ADGRG7: variants seen among roughly 807,000 people sequenced by gnomAD.
The protein encoded by ADGRG7 is adhesion G protein-coupled receptor G7.
A neutral mutation model predicts 88.6 loss-of-function variants in ADGRG7; 82 were observed. The observed-to-expected ratio is 0.93, with a 90% CI of 0.77 to 1.11. The LOEUF is 1.11. Ranked by LOEUF, ADGRG7 falls within the 50% of genes most tolerant of loss-of-function variation. The probability of loss-of-function intolerance (pLI) is 0.00; values close to 1 mark genes in which losing one functional copy is unlikely to be tolerated. For synonymous variants in ADGRG7, 381 were observed against 345.2 expected (o/e 1.10, Z -1.15); for missense variants, 945 against 953.4 (o/e 0.99, Z 0.12).
intron 3 of ADGRG7, among the ~76,000 whole-genome samples, chr3:100,631,973 C>T (rs1390512151): frequency 6.6e-6 from 1 of 152,114 alleles, no homozygotes; most frequent in African/African-American, 2.4e-5. Flanking sequence ...TTTTTACTCA[C>T]AGCGTAAAAG....
rs1471358711 is a variant in ADGRG7, at chr3:100,609,939, G to A, written c.83G>A (p.Gly28Asp). Reference sequence around the variant, plus strand: ...CTGACTGGCATCATTTTGGGACTGGGCATCTGGAGGATTGTGATCAGGATC... The same window carrying A: ...CTGACTGGCATCATTTTGGGACTGGACATCTGGAGGATTGTGATCAGGATC... The part of the protein sequence containing the change: ...GLLTGIILGL[G>D]IWRIVIRIQR... Residue 28 changes from glycine (G) to aspartate (D), a missense_variant, in exon 1 of 16, where the codon GGC becomes GAC. Physicochemically the swap from Gly to Asp is moderately conservative, Grantham distance 94. Coordinates refer to ENST00000273352, the MANE Select transcript of ADGRG7 (RefSeq NM_032787.3). 1.2e-6 allele frequency: 2 copies of A among 1,613,570 alleles called. No individual in the cohort carries two copies. Among genetic ancestry groups the A allele is most frequent in the African/African-American group, 2.7e-5 (2 of 74,890 alleles).
chr3:100,644,187 T>TA (rs11388624), intron 8 of ADGRG7, among the ~76,000 whole-genome samples: 91,872 of 149,948 alleles, frequency 0.61, 29,475 homozygotes, highest in East Asian at 0.98. Flanking sequence ...TTTCAAAATC[T>TA]AAAAAAAAAA....
At position 100,688,234 on chromosome 3, in the gene ADGRG7, A is replaced by G. The variant is rs191864933; in HGVS notation, c.2137-6510A>G. 5.5e-3 allele frequency among the ~76,000 whole-genome samples: 831 copies of G among 152,060 alleles called. 7 individuals are homozygous for G. The highest frequency in any genetic ancestry group is 0.019 in the African/African-American group (798 of 41,466). ...GGATCAGTGGTGATGTCCCCTTTTC[A>G]TTTTTTATTGTGTCTATTTGATTCT... On this transcript the variant is annotated intron_variant, in intron 15 of 15. Transcript: ENST00000273352.
At chr3:100,629,501 G>A (rs1707427426) in intron 1 of ADGRG7, 97 bp from the exon 2 acceptor site, 8 of 718,742 alleles carry the variant, frequency 1.1e-5, no homozygotes, top group Non-Finnish European at 2.0e-5. Context: ...GATACTCAAA[G>A]CAGTGGTTTT....
chr3:100,625,910 G>A (rs1012034311), intron 1 of ADGRG7, among the ~76,000 whole-genome samples: 1 of 152,074 alleles, frequency 6.6e-6, no homozygotes, highest in Non-Finnish European at 1.5e-5. Context: ...GCTTTTTGAT[G>A]TGCTGCTGGA....
chr3:100,663,587 CAGA>C (rs1454782681), intron 14 of ADGRG7, among the ~76,000 whole-genome samples: 1 of 151,988 alleles, frequency 6.6e-6, no homozygotes, highest in Non-Finnish European at 1.5e-5. Context: ...AGGTTGAGAA[CAGA>C]AGATGTTCTA....
chr3:100,628,137 G>A (rs1707406685), intron 1 of ADGRG7, among the ~76,000 whole-genome samples: 1 of 152,026 alleles, frequency 6.6e-6, no homozygotes. Context: ...CTGGCTTTCT[G>A]ATCAAGTTTC....
At chr3:100,668,667 T>C (rs781594567) in intron 14 of ADGRG7, among the ~76,000 whole-genome samples, 4 of 152,228 alleles carry the variant, frequency 2.6e-5, no homozygotes, top group Non-Finnish European at 5.9e-5. Context: ...TCCATTTCAA[T>C]GAAGAAGTTG....
intron 15 of ADGRG7, among the ~76,000 whole-genome samples, chr3:100,686,153 T>A (rs1487593528): frequency 4.0e-5 from 6 of 151,422 alleles, no homozygotes; most frequent in East Asian, 1.9e-4. Flanking sequence ...TCATGTGTTT[T>A]TTGGCTGCAT....
intron 1 of ADGRG7, among the ~76,000 whole-genome samples, chr3:100,625,255 T>A (rs114192210): frequency 0.016 from 2,459 of 152,196 alleles, 46 homozygotes; most frequent in Non-Finnish European, 0.022. Context: ...TCTTCACATC[T>A]CTTGTTAGCT....
At chr3:100,637,278 T>A (rs747875640) in intron 5 of ADGRG7, 24 bp from the exon 6 acceptor site, 1 of 1,447,714 alleles carries the variant, frequency 6.9e-7, no homozygotes, top group Non-Finnish European at 9.7e-7. Flanking sequence ...GCTTCTCTGA[T>A]GATCAGTATC....
chr3:100,680,760 A>G (rs1249145229), intron 15 of ADGRG7, among the ~76,000 whole-genome samples: 1 of 152,158 alleles, frequency 6.6e-6, no homozygotes, highest in East Asian at 1.9e-4. Context: ...CCGTTCTCTC[A>G]TAGTATACGT....
chr3:100,662,348 T>A (rs1039399850), intron 14 of ADGRG7, among the ~76,000 whole-genome samples: 2 of 152,134 alleles, frequency 1.3e-5, no homozygotes, highest in African/African-American at 4.8e-5. Context: ...AGTAAAAAAA[T>A]TTAGCAACAC....
At chr3:100,617,483 CCTTG>C (rs1168489880) in intron 1 of ADGRG7, among the ~76,000 whole-genome samples, 2 of 151,154 alleles carry the variant, frequency 1.3e-5, no homozygotes, top group East Asian at 3.9e-4. Context: ...GGTTTTTTGT[CCTTG>C]CGATAGTTTG....
chr3:100,691,644 T>A (rs2094993994), intron 15 of ADGRG7, among the ~76,000 whole-genome samples: 1 of 132,208 alleles, frequency 7.6e-6, no homozygotes, highest in Non-Finnish European at 1.7e-5. Flanking sequence ...ATATCTTATG[T>A]TACTTTAATA....
chr3:100,692,862 A>C (rs2094996240), intron 15 of ADGRG7, among the ~76,000 whole-genome samples: 1 of 152,186 alleles, frequency 6.6e-6, no homozygotes, highest in African/African-American at 2.4e-5. Context: ...ATCTACAGGC[A>C]TAGGAGCTGA....
In ADGRG7 at chr3:100,627,834, G is replaced by T. The variant is rs1317739561; in HGVS notation, c.116-1764G>T. Among the ~76,000 whole-genome samples, 3 of 151,972 alleles carry T rather than the reference G, an allele frequency of 2.0e-5. No homozygotes were observed. The East Asian group carries it at 5.8e-4, about 29-fold the overall frequency. On this transcript the variant is annotated intron_variant, in intron 1 of 15. Coordinates refer to ENST00000273352, the MANE Select transcript of ADGRG7 (RefSeq NM_032787.3). Reference sequence around the variant, plus strand: ...TAAGCTGAAGTTCTTAACAAAATTTGGGAAATTTTGACATGATTTCTTCTG... The same window carrying T: ...TAAGCTGAAGTTCTTAACAAAATTTTGGAAATTTTGACATGATTTCTTCTG...
intron 10 of ADGRG7, among the ~76,000 whole-genome samples, chr3:100,649,305 G>A (rs147435593): frequency 6.6e-6 from 1 of 152,332 alleles, no homozygotes; most frequent in African/African-American, 2.4e-5. Context: ...GAAAATAACA[G>A]TATTTTCAGA....
intron 4 of ADGRG7, 48 bp from the exon 5 acceptor site, chr3:100,635,629 G>C: frequency 6.3e-7 from 1 of 1,596,498 alleles, no homozygotes; most frequent in Non-Finnish European, 8.5e-7. Context: ...CAAAGTGTTT[G>C]GACATAATTG....
Sources: gnomAD v4.1 joint callset for allele counts (sites outside exome capture counted in the v4.1 genomes callset) on GRCh38, gnomAD v4.1.1 for gene constraint, MANE v1.5 for transcripts, NCBI Gene and HGNC (gene_info 2026-07-23, HGNC 2026-07-21) for gene names.